Variants in SH3PXD2B observed in about 807,000 individuals in gnomAD.
SH3PXD2B encodes SH3 and PX domain-containing protein 2B.
In SH3PXD2B, 37 loss-of-function variants were observed where a neutral mutation model predicts 73.1. The observed-to-expected ratio is 0.51, with a 90% confidence interval of 0.39 to 0.67. SH3PXD2B has a LOEUF of 0.67. Ranked by LOEUF, SH3PXD2B falls within the 30% of genes least tolerant of loss-of-function variation. SH3PXD2B has a pLI of 0.00. For synonymous variants in SH3PXD2B, 457 were observed against 480.5 expected (o/e 0.95, Z 0.64); for missense variants, 1,053 against 1,197.8 (o/e 0.88, Z 1.78).
intron 3 of SH3PXD2B, among the ~76,000 whole-genome samples, chr5:172,397,481 A>C (rs908036659): frequency 2.0e-5 from 3 of 152,276 alleles, no homozygotes; most frequent in South Asian, 2.1e-4. Flanking sequence ...TTTGAAAATC[A>C]CTAATAAAAC....
chr5:172,369,147 G>T (rs1053398507), intron 6 of SH3PXD2B, among the ~76,000 whole-genome samples: 7 of 151,162 alleles, frequency 4.6e-5, no homozygotes, highest in Non-Finnish European at 1.0e-4. Flanking sequence ...TGCCCACCTT[G>T]GCCTCCCAAA....
intron 1 of SH3PXD2B, among the ~76,000 whole-genome samples, chr5:172,443,170 C>T (rs1175602050): frequency 3.3e-5 from 5 of 152,168 alleles, no homozygotes; most frequent in Admixed American, 6.5e-5. Context: ...CTAATGACAC[C>T]GTAACTTGGA....
chr5:172,329,934 C>T (rs932932347), downstream of SH3PXD2B, among the ~76,000 whole-genome samples: 47 of 152,150 alleles, frequency 3.1e-4, 1 homozygote, highest in Admixed American at 1.9e-3. Context: ...TAAAGGAAAA[C>T]GTGTTTAGGA....
At chr5:172,401,060 T>A (rs534007149) in intron 3 of SH3PXD2B, among the ~76,000 whole-genome samples, 1 of 152,204 alleles carries the variant, frequency 6.6e-6, no homozygotes, top group Non-Finnish European at 1.5e-5. Flanking sequence ...TTGTTAACGA[T>A]TGGCAAGCCA....
rs552297069 is a variant in SH3PXD2B, at chr5:172,339,217, T to A, written c.1888A>T (p.Thr630Ser). ...TDLPEEKPDA[T>S]PQNPFLKSRP... is the part of the protein sequence containing the mutation. ...GACTTCAAGAAGGGATTCTGGGGAG[T>A]GGCATCTGGCTTCTCCTCTGGCAGG... is the stretch of plus-strand genomic sequence containing the variant. Residue 630 changes from threonine to serine, a missense_variant, in exon 13 of 13, where the codon ACT becomes TCT. Transcript: ENST00000311601. The surrounding 1 kb of genome is among the most constrained non-coding windows in gnomAD (Gnocchi z 6.1). The A allele has an allele frequency of 2.5e-6, 4 of 1,614,006 alleles. No homozygotes were observed. Among genetic ancestry groups the A allele is most frequent in the Non-Finnish European group, 3.4e-6 (4 of 1,180,028 alleles).
Position 172,454,506 on chromosome 5 carries a change from CTT to C in SH3PXD2B, c.-156_-155del. ...AGCCGCCGCCGCCACCGCCGCCGCCCTTCGCTCGGCGCGCACTCCAGCCGGGC... is the reference window on the plus strand; with the variant it reads ...AGCCGCCGCCGCCACCGCCGCCGCCCCGCTCGGCGCGCACTCCAGCCGGGC... On this transcript the variant is annotated 5_prime_UTR_variant, in exon 1 of 13. Coordinates refer to ENST00000311601, the MANE Select transcript of SH3PXD2B (RefSeq NM_001017995.3). 2 of 191,182 alleles carry C rather than the reference CTT, an allele frequency of 1.0e-5. No homozygotes were observed. The highest frequency in any genetic ancestry group is 1.9e-5 in the Non-Finnish European group (2 of 106,974). The allele number at this position is 191,182 out of a possible 1,614,324, so 11.8% of individuals were successfully genotyped here.
At position 172,339,468 on chromosome 5, in the gene SH3PXD2B, G is replaced by T; in HGVS notation, c.1637C>A (p.Thr546Lys). ...LLERERERQRTEQLRGPTPKP... is the reference protein window; with the variant it reads ...LLERERERQRKEQLRGPTPKP... Reference sequence around the variant, plus strand: ...GGGAGTGGGGCCCCGGAGCTGCTCCGTCCTCTGCCGCTCCCGCTCCCGCTC... The same window carrying T: ...GGGAGTGGGGCCCCGGAGCTGCTCCTTCCTCTGCCGCTCCCGCTCCCGCTC... Residue 546 changes from threonine (T) to lysine (K), a missense_variant, in exon 13 of 13, where the codon ACG becomes AAG. Thr to Lys is a moderately conservative substitution (Grantham distance 78). Transcript: ENST00000311601. This position sits in a 1 kb window ranked among gnomAD's most constrained non-coding sequence, Gnocchi z 6.1. The T allele has an allele frequency of 6.2e-7, 1 of 1,613,796 alleles. No homozygotes were observed. The highest frequency in any genetic ancestry group is 8.5e-7 in the Non-Finnish European group (1 of 1,179,862).
intron 8 of SH3PXD2B, among the ~76,000 whole-genome samples, chr5:172,354,925 GC>G (rs1172106093): frequency 6.6e-6 from 1 of 152,214 alleles, no homozygotes; most frequent in African/African-American, 2.4e-5. Context: ...GCCCTGGAGG[GC>G]CTGGGCTCGG....
Position 172,334,220 on chromosome 5 carries a change from C to T in SH3PXD2B, c.*4149G>A. ...AGAAACCAGATGCCACCCCACGGAG[C>T]TGGGCAGTCCAGTCTGTAGAAAGGT... On this transcript the variant is annotated 3_prime_UTR_variant, in exon 13 of 13. Transcript: ENST00000311601. The T allele has an allele frequency of 3.7e-6, 4 of 1,087,428 alleles. No individual in the cohort carries two copies. In the South Asian group the frequency reaches 1.0e-4, roughly 28 times the overall value. The allele number at this position is 1,087,428 out of a possible 1,614,324, so 67.4% of individuals were successfully genotyped here.
intron 4 of SH3PXD2B, among the ~76,000 whole-genome samples, chr5:172,393,800 T>C (rs1344581450): frequency 5.3e-5 from 8 of 152,132 alleles, no homozygotes; most frequent in South Asian, 2.1e-4. Context: ...TCAAATGAAA[T>C]ATAACCAAAA....
In SH3PXD2B at chr5:172,372,635, T is replaced by C. The variant is rs185818787; in HGVS notation, c.427+1155A>G. On this transcript the variant is annotated intron_variant, in intron 6 of 12. Transcript: ENST00000311601. ...GGCATCAAGCATACATTACTGACAA[T>C]GTGCCAGGCACTATTCTAGGTGCCT... 1.9e-3 allele frequency among the ~76,000 whole-genome samples: 284 copies of C among 152,318 alleles called. 2 individuals are homozygous for C. The highest frequency in any genetic ancestry group is 0.016 in the Admixed American group (241 of 15,300).
chr5:172,389,255 C>T (rs967726222), intron 4 of SH3PXD2B, among the ~76,000 whole-genome samples: 3 of 151,748 alleles, frequency 2.0e-5, no homozygotes, highest in African/African-American at 7.3e-5. Context: ...GGGGTTTCAC[C>T]ACATTGGTCA....
chr5:172,442,422 AC>A (rs1759569262), intron 1 of SH3PXD2B, among the ~76,000 whole-genome samples: 2 of 152,310 alleles, frequency 1.3e-5, no homozygotes, highest in South Asian at 4.1e-4. Flanking sequence ...CATCCTTTGG[AC>A]AAACCACTTT....
intron 4 of SH3PXD2B, among the ~76,000 whole-genome samples, chr5:172,382,945 C>T (rs577615770): frequency 2.6e-5 from 4 of 151,404 alleles, no homozygotes; most frequent in South Asian, 2.1e-4. Context: ...GGCATGTTGG[C>T]CAGGCTGGTC....
At chr5:172,389,156 A>T (rs1433291462) in intron 4 of SH3PXD2B, among the ~76,000 whole-genome samples, 1 of 151,538 alleles carries the variant, frequency 6.6e-6, no homozygotes, top group Non-Finnish European at 1.5e-5. Context: ...TCTGGGTTCA[A>T]GCAATTCTCC....
intron 3 of SH3PXD2B, 82 bp from the exon 4 acceptor site, chr5:172,394,721 G>A: frequency 6.8e-7 from 1 of 1,468,744 alleles, no homozygotes; most frequent in Non-Finnish European, 9.4e-7. Flanking sequence ...GGACATGGCG[G>A]TTCCTAGGGT....
intron 1 of SH3PXD2B, among the ~76,000 whole-genome samples, chr5:172,449,068 C>A (rs1033082585): frequency 2.0e-5 from 3 of 152,214 alleles, no homozygotes; most frequent in African/African-American, 7.2e-5. Flanking sequence ...AGCACAGTGA[C>A]CCCTAGGCTT....
At chr5:172,424,482 C>A (rs1759050418) in intron 1 of SH3PXD2B, among the ~76,000 whole-genome samples, 6 of 152,194 alleles carry the variant, frequency 3.9e-5, no homozygotes, top group Admixed American at 3.9e-4. Context: ...GGAGAACATT[C>A]ACATTCCAAA....
chr5:172,406,255 T>C, intron 3 of SH3PXD2B, 22 bp downstream of exon 3: 1 of 1,613,678 alleles, frequency 6.2e-7, no homozygotes, highest in Non-Finnish European at 8.5e-7. Context: ...TGTCCCAGTC[T>C]GAGAGCACCC....
Sources: allele counts gnomAD v4.1 joint callset (sites outside exome capture counted in the v4.1 genomes callset), GRCh38; gene constraint gnomAD v4.1.1; non-coding constraint Gnocchi (gnomAD v3.1); transcripts MANE v1.5; gene names NCBI Gene and HGNC (gene_info 2026-07-23, HGNC 2026-07-21).